MTMR14: variants seen among roughly 807,000 people sequenced by gnomAD.
MTMR14 encodes phosphatidylinositol-3,5-bisphosphate 3-phosphatase MTMR14.
In MTMR14, 48 loss-of-function variants were observed where a neutral mutation model predicts 86.3. That is an observed-to-expected ratio of 0.56 (90% CI 0.44 to 0.71). The LOEUF is 0.71. Among genes scored for constraint, MTMR14 ranks in the 30% least tolerant of loss-of-function variants. The probability of loss-of-function intolerance (pLI) is 0.00; values close to 1 mark genes in which losing one functional copy is unlikely to be tolerated. For missense variants in MTMR14, 780 were observed against 834.6 expected (o/e 0.93, Z 0.81); for synonymous variants, 366 against 326.1 (o/e 1.12, Z -1.32).
Position 9,702,002 on chromosome 3 carries a change from C to G in MTMR14, c.*29C>G. ...AGCCAGCCCATGACATTTTCCTGCT[C>G]CTCTCTCAGCTGAGCCCTTAGCAGA... On this transcript the variant is annotated 3_prime_UTR_variant, in exon 19 of 19. Transcript: ENST00000296003. The G allele has an allele frequency of 6.2e-7, 1 of 1,613,392 alleles. No homozygotes were observed. The highest frequency in any genetic ancestry group is 1.1e-5 in the South Asian group (1 of 91,034).
chr3:9,664,153 G>C (rs1363216974), intron 3 of MTMR14, among the ~76,000 whole-genome samples: 1 of 151,650 alleles, frequency 6.6e-6, no homozygotes, highest in South Asian at 2.1e-4. Flanking sequence ...GGTTGCACGG[G>C]AGATACTCCA....
rs1490745184 is a variant in MTMR14 at position 9,662,284 on chromosome 3, A to G, written c.326A>G (p.Gln109Arg). The G allele has an allele frequency of 1.2e-6, 2 of 1,613,300 alleles. No individual in the cohort carries two copies. Among genetic ancestry groups the G allele is most frequent in the South Asian group, 2.2e-5 (2 of 91,024 alleles). ...TGTGTTAGGTTTGAGAGTACCGTAC[A>G]GGTGAGCAAGTTGCAAGACCTCATC... ...KEKDTFESTVQVSKLQDLIHR... is the reference protein window; with the variant it reads ...KEKDTFESTVRVSKLQDLIHR... The change falls in exon 3 of 19, where the codon CAG becomes CGG. Residue 109 changes from glutamine (Q) to arginine (R), a missense_variant. By Grantham distance (43) the Gln-to-Arg change is conservative (BLOSUM62 1). Coordinates refer to ENST00000296003, the MANE Select transcript of MTMR14 (RefSeq NM_001077525.3).
At chr3:9,672,129 TG>T (rs2048596975) in intron 6 of MTMR14, among the ~76,000 whole-genome samples, 1 of 152,232 alleles carries the variant, frequency 6.6e-6, no homozygotes, top group Admixed American at 6.5e-5. Flanking sequence ...GTGTGCATTT[TG>T]GGGTCAGGTG....
Position 9,701,453 on chromosome 3 carries a change from T to TTGTGCCCGGGAGGG in MTMR14, c.1770-335_1770-334insTGCCCGGGAGGGTG. ...TGAGGGGCTGAGGTGGGAGGATGGC[T>TTGTGCCCGGGAGGG]TGAGGCTACAGTGAGCGCTGATTGT... On this transcript the variant is annotated intron_variant, in intron 18 of 18. Transcript: ENST00000296003. This position sits in a 1 kb window ranked among gnomAD's most constrained non-coding sequence, Gnocchi z 4.2. 6.6e-6 allele frequency: 2 copies of TTGTGCCCGGGAGGG among 300,896 alleles called. No individual in the cohort carries two copies. The highest frequency in any genetic ancestry group is 1.2e-5 in the Non-Finnish European group (2 of 167,346). 18.6% of individuals were successfully genotyped at this position (300,896 alleles called of 1,614,324 possible).
intron 18 of MTMR14, 91 bp downstream of exon 18, chr3:9,697,957 C>A (rs549466623): frequency 6.7e-5 from 105 of 1,566,622 alleles, no homozygotes; most frequent in Middle Eastern, 3.5e-4. Context: ...ATGAGGCTGG[C>A]GCTCAGGAGC....
intron 3 of MTMR14, among the ~76,000 whole-genome samples, chr3:9,665,232 A>G (rs1197134524): frequency 6.7e-6 from 1 of 150,166 alleles, no homozygotes; most frequent in East Asian, 2.0e-4. Flanking sequence ...CAGTGAGCCG[A>G]GATCGTGCCA....
At chr3:9,670,957 T>G in intron 5 of MTMR14, 91 bp from the exon 6 acceptor site, 1 of 1,533,080 alleles carries the variant, frequency 6.5e-7, no homozygotes, top group Non-Finnish European at 9.0e-7. Context: ...TGGAGAAGAG[T>G]GACATCCATA....
At chr3:9,691,334 C>T (rs756959130) in intron 17 of MTMR14, among the ~76,000 whole-genome samples, 5 of 152,192 alleles carry the variant, frequency 3.3e-5, no homozygotes, top group African/African-American at 9.7e-5. Flanking sequence ...GCCCATGTGC[C>T]GGTGCCCCGT....
chr3:9,698,338 A>G (rs2076347170), intron 18 of MTMR14, among the ~76,000 whole-genome samples: 1 of 152,234 alleles, frequency 6.6e-6, no homozygotes, highest in African/African-American at 2.4e-5. Flanking sequence ...CTGGGCAGGA[A>G]TAAGAATTGG....
At chr3:9,654,636 G>A (rs760139919) in intron 2 of MTMR14, among the ~76,000 whole-genome samples, 18 of 152,320 alleles carry the variant, frequency 1.2e-4, no homozygotes, top group South Asian at 2.1e-4. Flanking sequence ...TTCAGGAGCC[G>A]TTGTCAGCAC....
In MTMR14 at chr3:9,677,208, G is replaced by C. The variant is rs946050217; in HGVS notation, c.752-109G>C. On this transcript the variant is annotated intron_variant, in intron 7 of 18. Coordinates refer to ENST00000296003, the MANE Select transcript of MTMR14 (RefSeq NM_001077525.3). This position sits in a 1 kb window ranked among gnomAD's most constrained non-coding sequence, Gnocchi z 4.2. Reference sequence around the variant, plus strand: ...AAGCCACTAGCTTGGAGAAGTGTGAGTTGGCGGCCCCCTCTCCACAGCACT... The same window carrying C: ...AAGCCACTAGCTTGGAGAAGTGTGACTTGGCGGCCCCCTCTCCACAGCACT... The C allele has an allele frequency of 6.4e-6, 6 of 938,432 alleles. No individual in the cohort carries two copies. The highest frequency in any genetic ancestry group is 1.0e-5 in the Non-Finnish European group (6 of 588,478). 58.1% of individuals were successfully genotyped at this position (938,432 alleles called of 1,614,324 possible).
chr3:9,685,070 C>T, intron 12 of MTMR14, 106 bp downstream of exon 12: 1 of 1,484,230 alleles, frequency 6.7e-7, no homozygotes, highest in Non-Finnish European at 9.4e-7. Flanking sequence ...TAATTCCACC[C>T]CTCGAGAAGG....
In MTMR14 at chr3:9,665,450, A is replaced by G. The variant is rs1247644634; in HGVS notation, c.417+3075A>G. Reference sequence around the variant, plus strand: ...ACGCATGGTCATAAAGGTGGAAACAATAGACGTCAGGGACTTCAAAAAGGG... The same window carrying G: ...ACGCATGGTCATAAAGGTGGAAACAGTAGACGTCAGGGACTTCAAAAAGGG... On this transcript the variant is annotated intron_variant, in intron 3 of 18. Coordinates refer to ENST00000296003, the MANE Select transcript of MTMR14 (RefSeq NM_001077525.3). 2.6e-5 allele frequency among the ~76,000 whole-genome samples: 4 copies of G among 152,332 alleles called. No homozygotes were observed. The East Asian group carries it at 5.8e-4, about 22-fold the overall frequency.
At chr3:9,694,191 A>G (rs1262403396) in intron 17 of MTMR14, among the ~76,000 whole-genome samples, 1 of 152,198 alleles carries the variant, frequency 6.6e-6, no homozygotes, top group Admixed American at 6.5e-5. Flanking sequence ...TGAGTATATT[A>G]TCAGCAAGGG....
rs2076061229 is a variant in MTMR14, at chr3:9,689,188, AGAGCT to A, written c.1433+110_1433+114del. 11 of 1,501,186 alleles carry A rather than the reference AGAGCT, an allele frequency of 7.3e-6. No homozygotes were observed. The South Asian group carries it at 1.2e-4, about 16-fold the overall frequency. 93.0% of individuals were successfully genotyped at this position (1,501,186 alleles called of 1,614,324 possible). On this transcript the variant is annotated intron_variant, in intron 16 of 18. Transcript: ENST00000296003. ...AAGAACAAAGCAGGCCCCCAAGAGA[AGAGCT>A]GAGAGGATAGCTCCGTGCTCCTGCT...
At position 9,649,619 on chromosome 3, in the gene MTMR14, G is replaced by A; in HGVS notation, c.36G>A (p.Ser12=). The change falls in exon 1 of 19, where the codon TCG becomes TCA. Residue 12 remains serine, a synonymous_variant. Transcript: ENST00000296003. The part of the protein sequence containing the change: ...AGARAAAAAA[S]AGSSASSGNQ... The stretch of plus-strand genomic sequence containing the variant: ...CTCGGGCCGCCGCCGCCGCTGCCTC[G>A]GCGGGGTCCTCGGCCTCTTCAGGCA... The A allele has an allele frequency of 1.3e-6, 2 of 1,553,458 alleles. No individual in the cohort carries two copies. The highest frequency in any genetic ancestry group is 2.4e-5 in the East Asian group (1 of 41,214).
At chr3:9,665,445 A>G (rs1357691789) in intron 3 of MTMR14, among the ~76,000 whole-genome samples, 1 of 152,214 alleles carries the variant, frequency 6.6e-6, no homozygotes, top group Non-Finnish European at 1.5e-5. Context: ...ATAAAGGTGG[A>G]AACAATAGAC....
In MTMR14 at chr3:9,653,633, G is replaced by T; in HGVS notation, c.172G>T (p.Glu58Ter). Residue 58 changes from glutamate to a stop codon, truncating the protein, a stop_gained, in exon 2 of 19, where the codon GAG becomes TAG. Transcript: ENST00000296003. LOFTEE classifies it high-confidence loss of function. ...GTGGSKVERI[E>*]KRCLELFGRD... The stretch of plus-strand genomic sequence containing the variant: ...CTTCTCTGTGCAGGTTGAGCGCATT[G>T]AGAAGAGATGTCTGGAGCTGTTTGG... 6.2e-7 allele frequency: 1 copy of T among 1,614,136 alleles called. No individual in the cohort carries two copies. The highest frequency in any genetic ancestry group is 8.5e-7 in the Non-Finnish European group (1 of 1,180,026).
intron 17 of MTMR14, among the ~76,000 whole-genome samples, chr3:9,694,467 C>A (rs1158503767): frequency 6.6e-6 from 1 of 152,086 alleles, no homozygotes; most frequent in African/African-American, 2.4e-5. Flanking sequence ...CATAGTGAGA[C>A]CTTGCCAATA....
Sources: gnomAD v4.1 joint callset for allele counts (sites outside exome capture counted in the v4.1 genomes callset) on GRCh38, gnomAD v4.1.1 for gene constraint, Gnocchi (gnomAD v3.1) non-coding constraint, MANE v1.5 for transcripts, NCBI Gene and HGNC (gene_info 2026-07-23, HGNC 2026-07-21) for gene names.